Variants in SBF2 observed in about 807,000 individuals in gnomAD.
SBF2 encodes SET binding factor 2.
In SBF2, 112 loss-of-function variants were observed where a neutral mutation model predicts 225.2. That is an observed-to-expected ratio of 0.50 (90% CI 0.43 to 0.58). The LOEUF (loss-of-function observed/expected upper bound fraction) is 0.58, where lower values mean the gene tolerates loss of function less well. SBF2 is among the 20% of genes least tolerant of loss of function. The pLI, the probability that SBF2 is intolerant of heterozygous loss-of-function variation, is 0.00. For synonymous variants in SBF2, 763 were observed against 773.3 expected (o/e 0.99, Z 0.22); for missense variants, 1,996 against 2,206.2 (o/e 0.90, Z 1.91).
chr11:9,823,570 C>G (rs559914585), intron 28 of SBF2, among the ~76,000 whole-genome samples: 3 of 151,360 alleles, frequency 2.0e-5, no homozygotes, highest in Non-Finnish European at 4.4e-5. Context: ...GTATCTAACT[C>G]TGGAAGAATG....
At chr11:10,117,211 C>G (rs1241295250) in intron 2 of SBF2, among the ~76,000 whole-genome samples, 1 of 152,078 alleles carries the variant, frequency 6.6e-6, no homozygotes, top group African/African-American at 2.4e-5. Context: ...GAGGCTGAGG[C>G]AGGTGAATCA....
intron 2 of SBF2, among the ~76,000 whole-genome samples, chr11:10,150,145 C>T (rs1378243339): frequency 6.6e-6 from 1 of 152,060 alleles, no homozygotes. Context: ...TTATCTATGC[C>T]AAAATCCAAA....
chr11:10,037,702 T>A (rs921955996), intron 3 of SBF2, among the ~76,000 whole-genome samples: 43 of 151,758 alleles, frequency 2.8e-4, no homozygotes, highest in African/African-American at 1.0e-3. Flanking sequence ...TCTCTCAAAT[T>A]TTTTCCTGCA....
chr11:10,072,908 TATTATC>T (rs890464913), intron 2 of SBF2, among the ~76,000 whole-genome samples: 1 of 149,544 alleles, frequency 6.7e-6, no homozygotes, highest in Non-Finnish European at 1.5e-5. Flanking sequence ...TTATTATTAT[TATTATC>T]ATCATCATCA....
chr11:9,923,791 C>T (rs984194455), intron 16 of SBF2, among the ~76,000 whole-genome samples: 2 of 152,124 alleles, frequency 1.3e-5, no homozygotes, highest in Non-Finnish European at 1.5e-5. Context: ...CTCTAGTTCC[C>T]GGCCCCAAAT....
In SBF2 at chr11:10,053,697, A is replaced by G. The variant is rs566041781; in HGVS notation, c.142-10716T>C. 7.2e-5 allele frequency among the ~76,000 whole-genome samples: 11 copies of G among 152,118 alleles called. No individual in the cohort carries two copies. In the South Asian group the frequency reaches 8.3e-4, roughly 11 times the overall value. ...TTGAGCCTAGGCATAAGAGGCTGCA[A>G]TGAGCTGAGATCGCACCACCACACT... is the stretch of plus-strand genomic sequence containing the variant. On this transcript the variant is annotated intron_variant, in intron 2 of 39. Coordinates refer to ENST00000256190, the MANE Select transcript of SBF2 (RefSeq NM_030962.4).
At chr11:9,958,309 A>C (rs1195168054) in intron 16 of SBF2, 2 of 151,648 alleles carry the variant, frequency 1.3e-5, no homozygotes, top group Non-Finnish European at 2.9e-5. Context: ...AGAAAGCAAG[A>C]TTAACTGGGC....
At chr11:9,994,913 T>C (rs1451647660) in intron 9 of SBF2, among the ~76,000 whole-genome samples, 1 of 152,050 alleles carries the variant, frequency 6.6e-6, no homozygotes, top group African/African-American at 2.4e-5. Context: ...GGCACATGCC[T>C]GTAGTCCCAG....
At chr11:9,905,422 G>A (rs1288497482) in intron 16 of SBF2, among the ~76,000 whole-genome samples, 1 of 152,166 alleles carries the variant, frequency 6.6e-6, no homozygotes, top group Non-Finnish European at 1.5e-5. Context: ...AACATTGAGC[G>A]TAATCAGGAT....
intron 1 of SBF2, among the ~76,000 whole-genome samples, chr11:10,217,087 T>C (rs968078622): frequency 2.6e-5 from 4 of 152,178 alleles, no homozygotes; most frequent in East Asian, 1.9e-4. Context: ...ATTCAAGAAA[T>C]AGAGGTTTAA....
intron 2 of SBF2, among the ~76,000 whole-genome samples, chr11:10,146,080 CA>C (rs2135153379): frequency 6.6e-6 from 1 of 152,198 alleles, no homozygotes; most frequent in African/African-American, 2.4e-5. Context: ...AGAGATGACA[CA>C]AACAAATGGA....
At chr11:9,852,879 T>C in intron 20 of SBF2, 130 bp from the exon 21 acceptor site, 1 of 747,582 alleles carries the variant, frequency 1.3e-6, no homozygotes, top group Non-Finnish European at 2.4e-6. Flanking sequence ...AGAATTACCA[T>C]TATGACCCAG....
chr11:10,081,722 T>C (rs1951372464), intron 2 of SBF2, among the ~76,000 whole-genome samples: 1 of 145,366 alleles, frequency 6.9e-6, no homozygotes, highest in African/African-American at 2.6e-5. Flanking sequence ...ATTGCGCCAC[T>C]GCACTCCAGC....
At chr11:10,010,880 T>C (rs771678515) in intron 6 of SBF2, among the ~76,000 whole-genome samples, 9 of 152,202 alleles carry the variant, frequency 5.9e-5, no homozygotes, top group South Asian at 2.1e-4. Flanking sequence ...GCATGGAATG[T>C]TTTTCCATTT....
At chr11:9,895,700 T>A (rs905703248) in intron 17 of SBF2, among the ~76,000 whole-genome samples, 1 of 152,188 alleles carries the variant, frequency 6.6e-6, no homozygotes, top group African/African-American at 2.4e-5. Flanking sequence ...TGTTATGAAG[T>A]ACTATAAAGA....
chr11:10,081,503 A>G (rs1951360809), intron 2 of SBF2, among the ~76,000 whole-genome samples: 1 of 152,194 alleles, frequency 6.6e-6, no homozygotes, highest in South Asian at 2.1e-4. Context: ...TCACACCTGT[A>G]ATCCCAGCAC....
chr11:10,172,471 C>T (rs1297909213), intron 2 of SBF2, among the ~76,000 whole-genome samples: 2 of 152,128 alleles, frequency 1.3e-5, no homozygotes, highest in Admixed American at 1.3e-4. Context: ...CCTGCCTCAG[C>T]CTCCCAAGTA....
At chr11:10,021,567 A>T (rs192709039) in intron 6 of SBF2, among the ~76,000 whole-genome samples, 1 of 152,342 alleles carries the variant, frequency 6.6e-6, no homozygotes, top group African/African-American at 2.4e-5. Flanking sequence ...TAATTATTTC[A>T]GAAAAACACA....
At chr11:10,124,363 G>A (rs914970716) in intron 2 of SBF2, among the ~76,000 whole-genome samples, 1 of 152,138 alleles carries the variant, frequency 6.6e-6, no homozygotes, top group Non-Finnish European at 1.5e-5. Flanking sequence ...ACACTGTGAA[G>A]TTCCATGTAA....
Sources: gnomAD v4.1 joint callset for allele counts (sites outside exome capture counted in the v4.1 genomes callset) on GRCh38, gnomAD v4.1.1 for gene constraint, MANE v1.5 for transcripts, NCBI Gene and HGNC (gene_info 2026-07-23, HGNC 2026-07-21) for gene names.